Variants in TENM3 observed in about 807,000 individuals in gnomAD.
TENM3 encodes teneurin-3.
A neutral mutation model predicts 255.1 loss-of-function variants in TENM3; 63 were observed. The observed-to-expected ratio is 0.25, with a 90% confidence interval of 0.20 to 0.30. The LOEUF is 0.30. TENM3 is among the 10% of genes least tolerant of loss of function. TENM3 has a pLI of 1.00. For missense variants in TENM3, 2,929 were observed against 3,461.1 expected (o/e 0.85, Z 3.86); for synonymous variants, 1,306 against 1,322.3 (o/e 0.99, Z 0.27).
At chr4:182,002,891 G>A in the TENM3 span, among the ~76,000 whole-genome samples, 1 of 151,870 alleles carries the variant, frequency 6.6e-6, no homozygotes, top group Non-Finnish European at 1.5e-5. Context: ...CCTAAAACAC[G>A]GCCTTTATAC....
the TENM3 span, among the ~76,000 whole-genome samples, chr4:181,647,289 T>A: frequency 6.6e-6 from 1 of 152,202 alleles, no homozygotes; most frequent in Non-Finnish European, 1.5e-5. Context: ...GATGGAACAT[T>A]TAACAGTGCT....
At chr4:182,306,270 A>C (rs1762128943) in intron 1 of TENM3, among the ~76,000 whole-genome samples, 1 of 151,398 alleles carries the variant, frequency 6.6e-6, no homozygotes. Flanking sequence ...CATAGCCTGC[A>C]ACCTTGACCT....
At chr4:182,328,535 T>G in intron 2 of TENM3, among the ~76,000 whole-genome samples, 1 of 123,126 alleles carries the variant, frequency 8.1e-6, no homozygotes, top group South Asian at 2.7e-4. Context: ...TTTTTAAATT[T>G]GAAAAACACC....
chr4:182,526,944 A>G (rs956396873), intron 3 of TENM3, among the ~76,000 whole-genome samples: 3 of 151,324 alleles, frequency 2.0e-5, no homozygotes, highest in East Asian at 3.9e-4. Context: ...CTTGAAACTA[A>G]TTAGCCCTTT....
the TENM3 span, among the ~76,000 whole-genome samples, chr4:181,798,045 T>G: frequency 3.3e-5 from 5 of 152,146 alleles, no homozygotes; most frequent in African/African-American, 9.7e-5. Context: ...TTGCCTATTT[T>G]TCTTCTTCTC....
chr4:181,998,319 A>G, the TENM3 span, among the ~76,000 whole-genome samples: 1 of 152,162 alleles, frequency 6.6e-6, no homozygotes, highest in Non-Finnish European at 1.5e-5. Flanking sequence ...TATTTAGTGA[A>G]CATCACCTAC....
the TENM3 span, among the ~76,000 whole-genome samples, chr4:182,040,653 G>A: frequency 2.0e-5 from 3 of 152,110 alleles, no homozygotes; most frequent in East Asian, 5.8e-4. Flanking sequence ...TTTCGTTCAT[G>A]CCACCACACC....
At chr4:182,114,979 C>T in the TENM3 span, among the ~76,000 whole-genome samples, 567 of 152,038 alleles carry the variant, frequency 3.7e-3, 4 homozygotes, top group African/African-American at 0.013. Flanking sequence ...GTCAGGAGTT[C>T]GAGATCAGCC....
At chr4:182,601,843 A>G (rs1221748507) in intron 4 of TENM3, among the ~76,000 whole-genome samples, 1 of 152,224 alleles carries the variant, frequency 6.6e-6, no homozygotes, top group Non-Finnish European at 1.5e-5. Flanking sequence ...CTGCAACTAT[A>G]CAAAACAATT....
At chr4:182,312,301 G>T (rs1291403823) in intron 1 of TENM3, among the ~76,000 whole-genome samples, 1 of 152,186 alleles carries the variant, frequency 6.6e-6, no homozygotes, top group Non-Finnish European at 1.5e-5. Context: ...GTTCAAGGCT[G>T]CAGTGAGCTG....
At chr4:181,858,335 A>T in the TENM3 span, among the ~76,000 whole-genome samples, 6 of 152,126 alleles carry the variant, frequency 3.9e-5, no homozygotes, top group Non-Finnish European at 8.8e-5. Flanking sequence ...ACTTTTAAGG[A>T]TGTTATTGGA....
intron 3 of TENM3, among the ~76,000 whole-genome samples, chr4:182,386,174 T>A (rs1767901388): frequency 6.6e-6 from 1 of 152,192 alleles, no homozygotes; most frequent in Non-Finnish European, 1.5e-5. Context: ...GCCTTTTGTT[T>A]AAAAATTTCA....
chr4:182,076,462 A>G, the TENM3 span, among the ~76,000 whole-genome samples: 1 of 152,238 alleles, frequency 6.6e-6, no homozygotes, highest in African/African-American at 2.4e-5. Context: ...TCGGCCTCCC[A>G]AAGCGCTGGG....
At chr4:182,536,805 G>T (rs1403080156) in intron 3 of TENM3, among the ~76,000 whole-genome samples, 1 of 152,170 alleles carries the variant, frequency 6.6e-6, no homozygotes, top group Non-Finnish European at 1.5e-5. Context: ...AATCTCATCT[G>T]TTGCCTCTCC....
the TENM3 span, among the ~76,000 whole-genome samples, chr4:182,053,961 C>T: frequency 1.3e-5 from 2 of 152,116 alleles, no homozygotes; most frequent in African/African-American, 4.8e-5. Flanking sequence ...AAGACATGCT[C>T]TTCCTCCCGA....
chr4:182,731,829 T>A (rs1579275048), intron 16 of TENM3, among the ~76,000 whole-genome samples: 1 of 151,182 alleles, frequency 6.6e-6, no homozygotes, highest in East Asian at 2.0e-4. Context: ...TCGCCCAGGC[T>A]GGAGTGCAGT....
intron 1 of TENM3, among the ~76,000 whole-genome samples, chr4:182,192,105 A>G (rs1753561306): frequency 6.6e-6 from 1 of 152,194 alleles, no homozygotes; most frequent in Non-Finnish European, 1.5e-5. Context: ...CGGGAAAATT[A>G]TATGAAATTC....
At chr4:182,657,249 C>T (rs991320173) in intron 6 of TENM3, among the ~76,000 whole-genome samples, 2 of 152,124 alleles carry the variant, frequency 1.3e-5, no homozygotes, top group Admixed American at 1.3e-4. Context: ...ATTCAACAGT[C>T]GGCAGCCCTA....
At chr4:182,202,299 CTTTTTTTTTTTTT>C (rs773698031) in intron 1 of TENM3, among the ~76,000 whole-genome samples, 2 of 100,624 alleles carry the variant, frequency 2.0e-5, no homozygotes, top group African/African-American at 8.4e-5. Flanking sequence ...GTGCACTGCA[CTTTTTTTTTTTTT>C]TTTTTTTTTT....
Sources: gnomAD v4.1 joint callset for allele counts (sites outside exome capture counted in the v4.1 genomes callset) on GRCh38, gnomAD v4.1.1 for gene constraint, MANE v1.5 for transcripts, NCBI Gene and HGNC (gene_info 2026-07-23, HGNC 2026-07-21) for gene names.